Variants in PITPNB observed in about 807,000 individuals in gnomAD.
The protein encoded by PITPNB is phosphatidylinositol transfer protein beta.
Under a neutral mutation model 45.9 loss-of-function variants are expected in PITPNB, and 16 were observed. That is an observed-to-expected ratio of 0.35 (90% CI 0.24 to 0.53). The LOEUF is 0.53. Ranked by LOEUF, PITPNB falls within the 20% of genes least tolerant of loss-of-function variation. The probability of loss-of-function intolerance (pLI) is 0.93; values close to 1 mark genes in which losing one functional copy is unlikely to be tolerated. For missense variants in PITPNB, 188 were observed against 330.5 expected (o/e 0.57, Z 3.34); for synonymous variants, 112 against 108.9 (o/e 1.03, Z -0.18).
At chr22:27,878,898 TA>T (rs1439630969) in intron 7 of PITPNB, among the ~76,000 whole-genome samples, 6 of 152,226 alleles carry the variant, frequency 3.9e-5, no homozygotes, top group African/African-American at 1.4e-4. Flanking sequence ...AAAACTGCAT[TA>T]AAAAATATTC....
At chr22:27,891,244 T>A (rs1569023111) in intron 7 of PITPNB, among the ~76,000 whole-genome samples, 1 of 152,208 alleles carries the variant, frequency 6.6e-6, no homozygotes, top group Admixed American at 6.5e-5. Flanking sequence ...TTATGTGTAT[T>A]TTATCCCAAT....
chr22:27,888,182 C>T (rs1935178562), intron 7 of PITPNB, among the ~76,000 whole-genome samples: 1 of 152,206 alleles, frequency 6.6e-6, no homozygotes, highest in Non-Finnish European at 1.5e-5. Flanking sequence ...GATTCTCCAT[C>T]AGTACAAATA....
At chr22:27,883,548 C>T (rs74965312) in intron 7 of PITPNB, among the ~76,000 whole-genome samples, 3,691 of 152,360 alleles carry the variant, frequency 0.024, 51 homozygotes, top group Non-Finnish European at 0.032. Context: ...CTGAGCCCTA[C>T]TCCAAAGATT....
chr22:27,901,036 C>T (rs759671552), intron 3 of PITPNB, among the ~76,000 whole-genome samples: 4 of 152,218 alleles, frequency 2.6e-5, no homozygotes, highest in Non-Finnish European at 4.4e-5. Context: ...TTCAGTTGTC[C>T]TCCCAAACTA....
intron 9 of PITPNB, among the ~76,000 whole-genome samples, chr22:27,859,699 C>T (rs1178643817): frequency 1.3e-5 from 2 of 152,206 alleles, no homozygotes; most frequent in Non-Finnish European, 2.9e-5. Context: ...TCCCCTGTGA[C>T]AGCACAAGGC....
At position 27,897,247 on chromosome 22, in the gene PITPNB, A is replaced by T. The variant is rs139783723; in HGVS notation, c.290-110T>A. The stretch of plus-strand genomic sequence containing the variant: ...AATGTCACAAAGACTAAACTATCTG[A>T]AAACAGAACATTTATTTAGTAATTT... On this transcript the variant is annotated intron_variant, in intron 4 of 11. Coordinates refer to ENST00000335272, the MANE Select transcript of PITPNB (RefSeq NM_012399.5). 238 of 791,310 alleles carry T rather than the reference A, an allele frequency of 3.0e-4. 1 individual carries two copies. In the African/African-American group the frequency reaches 3.1e-3, roughly 10 times the overall value. The allele number at this position is 791,310 out of a possible 1,614,324, so 49.0% of individuals were successfully genotyped here. A position where few individuals can be genotyped will look rare whatever the true frequency, so the allele number is the denominator to read the frequency against.
At chr22:27,893,354 G>A (rs1426335522) in intron 7 of PITPNB, among the ~76,000 whole-genome samples, 6 of 150,018 alleles carry the variant, frequency 4.0e-5, no homozygotes, top group East Asian at 2.0e-4. Context: ...GCGCGATCTC[G>A]GCTCACTGCA....
chr22:27,916,053 T>C (rs1388563686), intron 1 of PITPNB, among the ~76,000 whole-genome samples: 1 of 152,092 alleles, frequency 6.6e-6, no homozygotes. Context: ...GCAGAGGGAA[T>C]GGAAGGAAGG....
rs139489156 is a variant in PITPNB at position 27,871,370 on chromosome 22, A to C, written c.534+2368T>G. The stretch of plus-strand genomic sequence containing the variant: ...AATGTTTATACTTGAAAAGCTAATA[A>C]TTTCAAGAAAATACAATATTTAATT... On this transcript the variant is annotated intron_variant, in intron 8 of 11. Coordinates refer to ENST00000335272, the MANE Select transcript of PITPNB (RefSeq NM_012399.5). Among the ~76,000 whole-genome samples the C allele has an allele frequency of 6.8e-3, 1,035 of 152,320 alleles. 7 individuals are homozygous for C. Among genetic ancestry groups the C allele is most frequent in the African/African-American group, 0.023 (940 of 41,566 alleles).
intron 7 of PITPNB, among the ~76,000 whole-genome samples, chr22:27,893,369 C>T (rs1460328710): frequency 6.6e-6 from 1 of 151,218 alleles, no homozygotes; most frequent in African/African-American, 2.4e-5. Context: ...ACTGCAAGCT[C>T]CGCCTCCCGG....
chr22:27,915,732 A>T (rs1002025355), intron 1 of PITPNB, among the ~76,000 whole-genome samples: 1 of 152,200 alleles, frequency 6.6e-6, no homozygotes, highest in Admixed American at 6.5e-5. Flanking sequence ...ATTCCGAATC[A>T]TTTCTCTTCT....
chr22:27,886,919 T>C (rs1935137786), intron 7 of PITPNB, among the ~76,000 whole-genome samples: 4 of 152,152 alleles, frequency 2.6e-5, no homozygotes, highest in Admixed American at 2.6e-4. Context: ...AAACCAGAAG[T>C]CATTAAATAC....
At chr22:27,883,468 A>T (rs1935031416) in intron 7 of PITPNB, among the ~76,000 whole-genome samples, 1 of 152,236 alleles carries the variant, frequency 6.6e-6, no homozygotes, top group African/African-American at 2.4e-5. Context: ...CACCATTAAT[A>T]ATGTATACTA....
At chr22:27,918,468 A>C (rs1490145057) in intron 1 of PITPNB, among the ~76,000 whole-genome samples, 4 of 152,196 alleles carry the variant, frequency 2.6e-5, no homozygotes, top group Non-Finnish European at 5.9e-5. Flanking sequence ...CAACAAAATC[A>C]CTTGGCCAGT....
At chr22:27,862,131 TCAGCTTCAACTTAC>T (rs1280312647) in intron 8 of PITPNB, among the ~76,000 whole-genome samples, 2 of 152,114 alleles carry the variant, frequency 1.3e-5, no homozygotes, top group Non-Finnish European at 2.9e-5. Context: ...CCACTGCTTG[TCAGCTTCAACTTAC>T]CAGCTTCAAC....
chr22:27,905,951 T>C (rs1160372362), intron 3 of PITPNB, among the ~76,000 whole-genome samples: 1 of 152,222 alleles, frequency 6.6e-6, no homozygotes, highest in African/African-American at 2.4e-5. Flanking sequence ...CCTTCCTCTT[T>C]CACTGCCATC....
intron 7 of PITPNB, chr22:27,894,128 A>G (rs1935368271): frequency 6.5e-6 from 1 of 154,184 alleles, no homozygotes; most frequent in Admixed American, 6.4e-5. Context: ...CTCTACACCA[A>G]CCATTTTCCA....
At position 27,875,292 on chromosome 22, in the gene PITPNB, T is replaced by C. The variant is rs182681350; in HGVS notation, c.457-1477A>G. The stretch of plus-strand genomic sequence containing the variant: ...TCTTAATGCTTTACAATATGCAATG[T>C]GGCATAGCCACAGGCATCAGCATTA... On this transcript the variant is annotated intron_variant, in intron 7 of 11. Coordinates refer to ENST00000335272, the MANE Select transcript of PITPNB (RefSeq NM_012399.5). Among the ~76,000 whole-genome samples the C allele has an allele frequency of 4.6e-5, 7 of 152,374 alleles. No individual in the cohort carries two copies. The East Asian group carries it at 1.3e-3, about 29-fold the overall frequency.
chr22:27,893,178 G>A (rs972213179), intron 7 of PITPNB, among the ~76,000 whole-genome samples: 5 of 152,144 alleles, frequency 3.3e-5, no homozygotes, highest in Admixed American at 1.3e-4. Context: ...ACCAGTGCTT[G>A]TATTTACACA....
Sources: allele counts gnomAD v4.1 joint callset (sites outside exome capture counted in the v4.1 genomes callset), GRCh38; gene constraint gnomAD v4.1.1; transcripts MANE v1.5; gene names NCBI Gene and HGNC (gene_info 2026-07-23, HGNC 2026-07-21).